Variants in CPEB3 observed in about 807,000 individuals in gnomAD.
CPEB3 encodes cytoplasmic polyadenylation element-binding protein 3.
Under a neutral mutation model 67.2 loss-of-function variants are expected in CPEB3, and 20 were observed. The ratio of observed to expected loss-of-function variants is 0.30; its 90% CI spans 0.21 to 0.43. The LOEUF (loss-of-function observed/expected upper bound fraction) is 0.43. Ranked by LOEUF, CPEB3 falls within the 20% of genes least tolerant of loss-of-function variation. CPEB3 has a pLI of 1.00. For synonymous variants in CPEB3, 376 were observed against 393.1 expected (o/e 0.96, Z 0.51); for missense variants, 746 against 968.6 (o/e 0.77, Z 3.05).
intron 2 of CPEB3, among the ~76,000 whole-genome samples, chr10:92,209,202 T>C (rs945108725): frequency 6.6e-6 from 1 of 152,226 alleles, no homozygotes; most frequent in Non-Finnish European, 1.5e-5. Context: ...TGTAGACATT[T>C]TGGAAATTCT....
intron 4 of CPEB3, among the ~76,000 whole-genome samples, chr10:92,146,464 T>C (rs1337106262): frequency 6.6e-6 from 1 of 151,392 alleles, no homozygotes; most frequent in Non-Finnish European, 1.5e-5. Context: ...AAGAGCAGTG[T>C]CTTCCCCATT....
intron 9 of CPEB3, among the ~76,000 whole-genome samples, chr10:92,058,863 GA>G (rs1564745375): frequency 6.6e-6 from 1 of 152,034 alleles, no homozygotes; most frequent in African/African-American, 2.4e-5. Flanking sequence ...AAAAGCTACA[GA>G]ATACACGTTC....
chr10:92,153,551 C>T (rs1452486998), intron 4 of CPEB3, among the ~76,000 whole-genome samples: 1 of 152,012 alleles, frequency 6.6e-6, no homozygotes, highest in Non-Finnish European at 1.5e-5. Context: ...TTTGGGAGGC[C>T]GAGGCGATCC....
chr10:92,253,383 C>A (rs1397108457), intron 1 of CPEB3, among the ~76,000 whole-genome samples: 1 of 148,802 alleles, frequency 6.7e-6, no homozygotes, highest in African/African-American at 2.5e-5. Context: ...TCACTTGAAC[C>A]CGAGAGGTGG....
At chr10:92,129,906 G>A (rs962396453) in intron 6 of CPEB3, among the ~76,000 whole-genome samples, 3 of 151,972 alleles carry the variant, frequency 2.0e-5, no homozygotes. Flanking sequence ...AATAAGCCAG[G>A]CATGGTAGTG....
At chr10:92,182,922 C>CT (rs1019826855) in intron 3 of CPEB3, among the ~76,000 whole-genome samples, 1 of 150,994 alleles carries the variant, frequency 6.6e-6, no homozygotes, top group Non-Finnish European at 1.5e-5. Flanking sequence ...ATGAGAAAAT[C>CT]TTAAATACAT....
intron 1 of CPEB3, among the ~76,000 whole-genome samples, chr10:92,250,868 T>G (rs1188820429): frequency 1.4e-5 from 2 of 145,038 alleles, no homozygotes; most frequent in Non-Finnish European, 3.0e-5. Flanking sequence ...ATTTTTTTTT[T>G]TTTTTTTTTT....
chr10:92,118,713 C>A, intron 6 of CPEB3: 1 of 732,782 alleles, frequency 1.4e-6, no homozygotes, highest in South Asian at 1.4e-5. Context: ...CACTTTAGCC[C>A]TCAGCTCTGT....
chr10:92,125,259 G>A (rs917095096), intron 6 of CPEB3, among the ~76,000 whole-genome samples: 8 of 152,252 alleles, frequency 5.3e-5, no homozygotes, highest in African/African-American at 1.7e-4. Context: ...GACTGCTGAA[G>A]CTGACACTGT....
intron 6 of CPEB3, among the ~76,000 whole-genome samples, chr10:92,129,447 A>G (rs78567669): frequency 0.013 from 1,980 of 152,196 alleles, 15 homozygotes; most frequent in Middle Eastern, 0.041. Context: ...AACCCCTATG[A>G]CCTACATAAC....
At chr10:92,079,142 T>C (rs994335782) in intron 9 of CPEB3, among the ~76,000 whole-genome samples, 1 of 152,206 alleles carries the variant, frequency 6.6e-6, no homozygotes, top group Admixed American at 6.5e-5. Context: ...CCAGTGATGG[T>C]TGCGATAGAG....
intron 7 of CPEB3, among the ~76,000 whole-genome samples, chr10:92,101,798 C>T (rs1276637493): frequency 2.6e-5 from 4 of 152,126 alleles, no homozygotes; most frequent in Non-Finnish European, 5.9e-5. Context: ...ATCCCAGCTA[C>T]TTAGGATGCT....
intron 1 of CPEB3, among the ~76,000 whole-genome samples, chr10:92,280,015 A>G (rs1351477119): frequency 6.6e-6 from 1 of 151,972 alleles, no homozygotes; most frequent in Admixed American, 6.6e-5. Flanking sequence ...GGTCTCAAAA[A>G]AGAAAGAAAG....
At chr10:92,289,732 A>AAAAAAAAAAAATATATAT in intron 1 of CPEB3, among the ~76,000 whole-genome samples, 3 of 75,770 alleles carry the variant, frequency 4.0e-5, no homozygotes, top group Non-Finnish European at 5.1e-5. Flanking sequence ...AAAAAAAAAA[A>AAAAAAAAAAAATATATAT]ATATATATAT....
rs140335147 is a variant in CPEB3 at position 92,117,001 on chromosome 10, A to C, written c.1454-5807T>G. On this transcript the variant is annotated intron_variant, in intron 6 of 9. Transcript: ENST00000265997. ...TCCATTTCATTGGCCAGGTGTGTGA[A>C]GTGTAAATTTAATTAAAATATTTTT... Among the ~76,000 whole-genome samples, 77 of 152,258 alleles carry C rather than the reference A, an allele frequency of 5.1e-4. No homozygotes were observed. The East Asian group carries it at 0.014, about 27-fold the overall frequency.
chr10:92,169,634 A>T (rs1847913746), intron 4 of CPEB3, among the ~76,000 whole-genome samples: 1 of 152,200 alleles, frequency 6.6e-6, no homozygotes, highest in Non-Finnish European at 1.5e-5. Flanking sequence ...TCCATAGAAC[A>T]CAACTAGAAA....
chr10:92,181,994 T>C (rs1368101434), intron 3 of CPEB3, among the ~76,000 whole-genome samples: 1 of 150,726 alleles, frequency 6.6e-6, no homozygotes, highest in East Asian at 1.9e-4. Context: ...GAGAGTCTTA[T>C]ATGAAAAAAA....
chr10:92,082,835 AAGAC>A (rs1183545555), intron 8 of CPEB3, among the ~76,000 whole-genome samples: 2 of 152,190 alleles, frequency 1.3e-5, no homozygotes, highest in Non-Finnish European at 2.9e-5. Flanking sequence ...GAAGACAGGG[AAGAC>A]AGACAATGAC....
At chr10:92,060,956 G>A (rs1842320960) in intron 9 of CPEB3, among the ~76,000 whole-genome samples, 1 of 152,192 alleles carries the variant, frequency 6.6e-6, no homozygotes. Context: ...ACAGTTTGGA[G>A]TTTCCTTAGA....
Sources: allele counts gnomAD v4.1 joint callset (sites outside exome capture counted in the v4.1 genomes callset), GRCh38; gene constraint gnomAD v4.1.1; transcripts MANE v1.5; gene names NCBI Gene and HGNC (gene_info 2026-07-23, HGNC 2026-07-21).